Variants in CRLF2 observed in about 807,000 individuals in gnomAD.
CRLF2 encodes cytokine receptor-like factor 2.
A neutral mutation model predicts 38.7 loss-of-function variants in CRLF2; 41 were observed. The ratio of observed to expected loss-of-function variants is 1.06; its 90% confidence interval spans 0.83 to 1.37. CRLF2 has a LOEUF of 1.37. CRLF2 is among the 40% of genes most tolerant of loss of function. CRLF2 has a pLI of 0.00. For missense variants in CRLF2, 377 were observed against 322.2 expected (o/e 1.17, Z -1.30); for synonymous variants, 140 against 128.8 (o/e 1.09, Z -0.59).
chrX:1,206,397 C>G, intron 3 of CRLF2, 36 bp downstream of exon 3: 1 of 1,595,142 alleles, frequency 6.3e-7, no homozygotes, highest in Non-Finnish European at 8.6e-7. Flanking sequence ...GAAGGAAGTA[C>G]TGAAAAGCAT....
Position 1,209,161 on chromosome X carries a change from G to GT in CRLF2, c.80-254dup, listed in dbSNP as rs1394192031. On this transcript the variant is annotated intron_variant, in intron 1 of 7. Transcript: ENST00000400841. ...TTTTTGTATTTTTAGTAGAGACGGG[G>GT]TTTCACCGTGTTAGCCAGGATGGTC... Among the ~76,000 whole-genome samples, 12 of 151,886 alleles carry GT rather than the reference G, an allele frequency of 7.9e-5. No individual in the cohort carries two copies. The South Asian group carries it at 1.0e-3, about 13-fold the overall frequency.
intron 7 of CRLF2, among the ~76,000 whole-genome samples, chrX:1,192,721 TTTCTTTCTTTCTTTCTTTC>T (rs2086411337): frequency 1.5e-5 from 1 of 65,254 alleles, no homozygotes; most frequent in Admixed American, 1.6e-4. Flanking sequence ...TCTTTCTTTC[TTTCTTTCTTTCTTTCTTTC>T]TTTCTTTCTT....
chrX:1,206,725 C>T (rs1275989713), intron 2 of CRLF2, 126 bp from the exon 3 acceptor site: 2 of 819,186 alleles, frequency 2.4e-6, no homozygotes, highest in Admixed American at 2.5e-5. Flanking sequence ...TCACTGCAAC[C>T]TCTGCCTCCC....
intron 4 of CRLF2, among the ~76,000 whole-genome samples, chrX:1,201,027 T>A (rs1363502000): frequency 3.3e-5 from 5 of 152,092 alleles, no homozygotes; most frequent in African/African-American, 9.7e-5. Context: ...CTAGGCTGTA[T>A]AGTAAATTGC....
chrX:1,195,817 A>ATATATT (rs1556417579), intron 6 of CRLF2, among the ~76,000 whole-genome samples: 4 of 134,762 alleles, frequency 3.0e-5, no homozygotes, highest in African/African-American at 1.1e-4. Flanking sequence ...ATATTAAATT[A>ATATATT]TATATATTAT....
chrX:1,193,111 C>A, intron 7 of CRLF2, 107 bp downstream of exon 7: 1 of 395,696 alleles, frequency 2.5e-6, no homozygotes, highest in South Asian at 1.3e-4. Flanking sequence ...CTGCGCCCGG[C>A]TGTTAATGTC....
intron 3 of CRLF2, among the ~76,000 whole-genome samples, chrX:1,206,214 G>A (rs1436954107): frequency 8.6e-5 from 13 of 151,848 alleles, no homozygotes; most frequent in Non-Finnish European, 4.4e-5. Context: ...CTTTTCAATA[G>A]TTACGGGAAT....
intron 4 of CRLF2, among the ~76,000 whole-genome samples, chrX:1,200,178 G>A (rs1159501259): frequency 6.6e-6 from 1 of 151,300 alleles, no homozygotes; most frequent in Non-Finnish European, 1.5e-5. Flanking sequence ...TATAAGCTGT[G>A]TATATAAGCT....
chrX:1,194,285 G>A (rs1382897737), intron 6 of CRLF2, among the ~76,000 whole-genome samples: 34 of 150,922 alleles, frequency 2.3e-4, no homozygotes, highest in African/African-American at 5.8e-4. Flanking sequence ...GCTAGACTCC[G>A]TCTCAAAAAA....
intron 3 of CRLF2, 130 bp from the exon 4 acceptor site, chrX:1,202,665 G>A (rs183207322): frequency 1.2e-5 from 13 of 1,062,654 alleles, no homozygotes; most frequent in East Asian, 2.4e-5. Context: ...GGGTTCACCC[G>A]TCCTCATTAC....
Position 1,198,937 on chromosome X carries a change from T to A in CRLF2, c.484-213A>T, listed in dbSNP as rs1247104872. The A allele has an allele frequency of 8.4e-6, 5 of 591,960 alleles. No individual in the cohort carries two copies. In the Admixed American group the frequency reaches 1.4e-4, roughly 17 times the overall value. The allele number at this position is 591,960 out of a possible 1,614,324, so 36.7% of individuals were successfully genotyped here. On this transcript the variant is annotated intron_variant, in intron 4 of 7. Coordinates refer to ENST00000400841, the MANE Select transcript of CRLF2 (RefSeq NM_022148.4). ...GCTGAGGCGGGTGGATCACCTGAGG[T>A]CGCAAGTTCGAGACCAGCCTGGCCA...
At position 1,208,853 on chromosome X, in the gene CRLF2, T is replaced by C. The variant is rs1188564788; in HGVS notation, c.135A>G (p.Thr45=). Residue 45 remains threonine (T), a synonymous_variant, in exon 2 of 8, where the codon ACA becomes ACG. Coordinates refer to ENST00000400841, the MANE Select transcript of CRLF2 (RefSeq NM_022148.4). Reference sequence around the variant, plus strand: ...TCCTGGAGTATTTGCTGGCATTCCATGTCACCTGCACGGTTTCTAAATTGA... The same window carrying C: ...TCCTGGAGTATTTGCTGGCATTCCACGTCACCTGCACGGTTTCTAAATTGA... ...IYFNLETVQV[T]WNASKYSRTN... is the part of the protein sequence containing the mutation. The C allele has an allele frequency of 3.1e-6, 5 of 1,612,994 alleles. No individual in the cohort carries two copies. Among genetic ancestry groups the C allele is most frequent in the Non-Finnish European group, 4.2e-6 (5 of 1,178,982 alleles).
At chrX:1,208,699 G>T in intron 2 of CRLF2, 107 bp downstream of exon 2, 1 of 770,548 alleles carries the variant, frequency 1.3e-6, no homozygotes, top group South Asian at 1.5e-5. Flanking sequence ...GGCTTGCACA[G>T]TCTGATGCTT....
intron 7 of CRLF2, among the ~76,000 whole-genome samples, 179 bp from the exon 8 acceptor site, chrX:1,191,339 T>TTC (rs1182752168): frequency 8.9e-6 from 1 of 111,876 alleles, no homozygotes; most frequent in Non-Finnish European, 1.9e-5. Context: ...CTTTCTTTCT[T>TTC]TCTTTCCTTC....
In CRLF2 at chrX:1,205,260, G is replaced by A. The variant is rs191640648; in HGVS notation, c.349+1173C>T. ...CCGGTTTCTTCCCACTTGGAGTGAGGAGCTGGGCACCGGGCTCTAGTGGCC... is the reference window on the plus strand; with the variant it reads ...CCGGTTTCTTCCCACTTGGAGTGAGAAGCTGGGCACCGGGCTCTAGTGGCC... On this transcript the variant is annotated intron_variant, in intron 3 of 7. Coordinates refer to ENST00000400841, the MANE Select transcript of CRLF2 (RefSeq NM_022148.4). Among the ~76,000 whole-genome samples the A allele has an allele frequency of 2.1e-3, 319 of 152,318 alleles. 2 individuals are homozygous for A. Among genetic ancestry groups the A allele is most frequent in the Non-Finnish European group, 4.1e-3 (282 of 68,024 alleles).
At chrX:1,203,717 C>T (rs1262791967) in intron 3 of CRLF2, among the ~76,000 whole-genome samples, 2 of 152,124 alleles carry the variant, frequency 1.3e-5, no homozygotes, top group East Asian at 1.9e-4. Flanking sequence ...AGAGGGAATG[C>T]GGCTCTCAGA....
intron 3 of CRLF2, among the ~76,000 whole-genome samples, chrX:1,205,086 C>T (rs1195363767): frequency 1.3e-5 from 2 of 152,238 alleles, no homozygotes; most frequent in Admixed American, 6.5e-5. Context: ...CTTGGCCTCC[C>T]ATAGTGCTGG....
At chrX:1,201,768 T>C (rs1266384275) in intron 4 of CRLF2, among the ~76,000 whole-genome samples, 1 of 151,554 alleles carries the variant, frequency 6.6e-6, no homozygotes, top group East Asian at 1.9e-4. Flanking sequence ...AATACATAGA[T>C]AAGATAGTAG....
Position 1,212,647 on chromosome X carries a change from A to AGTGGAGAGTGAGGTCCTC in CRLF2, c.-14_-13insGAGGACCTCACTCTCCAC. 1.3e-6 allele frequency: 2 copies of AGTGGAGAGTGAGGTCCTC among 1,586,898 alleles called. No homozygotes were observed. Among genetic ancestry groups the AGTGGAGAGTGAGGTCCTC allele is most frequent in the Non-Finnish European group, 1.7e-6 (2 of 1,155,402 alleles). On this transcript the variant is annotated 5_prime_UTR_variant, in exon 1 of 8. Transcript: ENST00000400841. The stretch of plus-strand genomic sequence containing the variant: ...CCAGCCGCCCCATGCCTGAAACAGG[A>AGTGGAGAGTGAGGTCCTC]GTGGAGAGTGAGGTCCTCAGGGACC...
Sources: allele counts gnomAD v4.1 joint callset (sites outside exome capture counted in the v4.1 genomes callset), GRCh38; gene constraint gnomAD v4.1.1; transcripts MANE v1.5; gene names NCBI Gene and HGNC (gene_info 2026-07-23, HGNC 2026-07-21).